C1orf198: variants seen among roughly 807,000 people sequenced by gnomAD.
C1orf198 encodes the protein chromosome 1 open reading frame 198.
A neutral mutation model predicts 31.4 loss-of-function variants in C1orf198; 17 were observed. The observed-to-expected ratio is 0.54, with a 90% confidence interval of 0.37 to 0.81. The LOEUF (loss-of-function observed/expected upper bound fraction) is 0.81, where lower values mean the gene tolerates loss of function less well. C1orf198 is among the 40% of genes least tolerant of loss of function. C1orf198 has a pLI of 0.00. For synonymous variants in C1orf198, 175 were observed against 193.8 expected, an observed-to-expected ratio of 0.90 and a Z score of 0.81; for missense variants, 401 against 450.3, an observed-to-expected ratio of 0.89 and a Z score of 0.99.
At chr1:230,852,813 G>A (rs774863019) in intron 2 of C1orf198, among the ~76,000 whole-genome samples, 3 of 152,178 alleles carry the variant, frequency 2.0e-5, no homozygotes, top group African/African-American at 4.8e-5. Context: ...TTTAAAATGG[G>A]TGCAAACTCT....
intron 2 of C1orf198, among the ~76,000 whole-genome samples, chr1:230,848,707 C>T (rs1374780662): frequency 6.6e-6 from 1 of 152,178 alleles, no homozygotes; most frequent in Non-Finnish European, 1.5e-5. Flanking sequence ...TTGTCCATCA[C>T]CCTGCTGGGT....
chr1:230,864,985 G>A (rs1375433681), intron 1 of C1orf198, among the ~76,000 whole-genome samples: 2 of 152,164 alleles, frequency 1.3e-5, no homozygotes, highest in African/African-American at 4.8e-5. Flanking sequence ...CCTACTGCTG[G>A]AGGAAGAACG....
Position 230,838,459 on chromosome 1 carries a change from G to A in C1orf198, c.*1393C>T, listed in dbSNP as rs1302509858. 2.6e-5 allele frequency: 4 copies of A among 152,112 alleles called. No individual in the cohort carries two copies. In the East Asian group the frequency reaches 5.8e-4, roughly 22 times the overall value. 9.4% of individuals were successfully genotyped at this position (152,112 alleles called of 1,614,324 possible). On this transcript the variant is annotated 3_prime_UTR_variant, in exon 4 of 4. Transcript: ENST00000366663. This position sits in a 1 kb window ranked among gnomAD's most constrained non-coding sequence, Gnocchi z 4.2. ...GTGAGTTGCTATGTGCTTTATTTTG[G>A]AGCCAGATAAAATATTCTGGAAATC...
rs1217067751 is a variant in C1orf198 at position 230,837,260 on chromosome 1, C to T, written c.*2592G>A. Reference sequence around the variant, plus strand: ...AGAAAGGGAGGCTCTTCCTGAAATCCACACAGGGGGGTGCGGCTCAGACGG... The same window carrying T: ...AGAAAGGGAGGCTCTTCCTGAAATCTACACAGGGGGGTGCGGCTCAGACGG... On this transcript the variant is annotated 3_prime_UTR_variant, in exon 4 of 4. Coordinates refer to ENST00000366663, the MANE Select transcript of C1orf198 (RefSeq NM_032800.3). 1.3e-5 allele frequency: 2 copies of T among 152,518 alleles called. No homozygotes were observed. The highest frequency in any genetic ancestry group is 2.4e-5 in the African/African-American group (1 of 41,402). 9.4% of individuals were successfully genotyped at this position (152,518 alleles called of 1,614,324 possible).
chr1:230,845,680 T>C (rs553333046), intron 2 of C1orf198, among the ~76,000 whole-genome samples: 5 of 147,762 alleles, frequency 3.4e-5, no homozygotes, highest in Non-Finnish European at 7.4e-5. Context: ...TGAAACTCCA[T>C]TTCAAAAAAT....
Position 230,858,605 on chromosome 1 carries a change from T to C in C1orf198, c.334-2887A>G, listed in dbSNP as rs114796992. ...TCAACTGGCAAAGGTGCTCCTTCCA[T>C]CCAGAATCAGACAGGCCACTGGCCA... is the stretch of plus-strand genomic sequence containing the variant. On this transcript the variant is annotated intron_variant, in intron 1 of 3. Transcript: ENST00000366663. 3.8e-3 allele frequency among the ~76,000 whole-genome samples: 578 copies of C among 152,154 alleles called. 6 individuals carry two copies. The highest frequency in any genetic ancestry group is 0.013 in the African/African-American group (552 of 41,508).
At chr1:230,856,894 G>A (rs1019096476) in intron 1 of C1orf198, among the ~76,000 whole-genome samples, 8 of 152,158 alleles carry the variant, frequency 5.3e-5, no homozygotes, top group African/African-American at 1.7e-4. Context: ...TAAGTCAAGG[G>A]TCTGGCTTCC....
chr1:230,866,848 C>T (rs1442519687), intron 1 of C1orf198, among the ~76,000 whole-genome samples: 1 of 152,202 alleles, frequency 6.6e-6, no homozygotes, highest in African/African-American at 2.4e-5. Flanking sequence ...TTTCCCCTCC[C>T]CAGTTTACCA....
intron 2 of C1orf198, among the ~76,000 whole-genome samples, chr1:230,853,389 A>T (rs1362252498): frequency 6.6e-6 from 1 of 152,072 alleles, no homozygotes; most frequent in Non-Finnish European, 1.5e-5. Context: ...TGAAGATCTT[A>T]TAAGCCTTTA....
At chr1:230,844,462 T>C (rs1669534819) in intron 2 of C1orf198, among the ~76,000 whole-genome samples, 1 of 152,176 alleles carries the variant, frequency 6.6e-6, no homozygotes, top group Admixed American at 6.5e-5. Flanking sequence ...CGCAGAACCG[T>C]GAGCCAATTA....
chr1:230,867,298 A>G (rs1670142884), intron 1 of C1orf198, among the ~76,000 whole-genome samples: 1 of 152,214 alleles, frequency 6.6e-6, no homozygotes, highest in Admixed American at 6.5e-5. Flanking sequence ...GAAAAAGAAG[A>G]CCAAGTTTCT....
At chr1:230,856,444 G>A (rs1178377140) in intron 1 of C1orf198, among the ~76,000 whole-genome samples, 2 of 151,960 alleles carry the variant, frequency 1.3e-5, no homozygotes, top group Non-Finnish European at 2.9e-5. Context: ...TCACTGGCCT[G>A]CACAAATGAC....
intron 2 of C1orf198, among the ~76,000 whole-genome samples, chr1:230,852,670 T>C (rs1338235979): frequency 6.6e-6 from 1 of 152,146 alleles, no homozygotes; most frequent in Non-Finnish European, 1.5e-5. Context: ...ATGATTAAGA[T>C]GGAAAATTTT....
In C1orf198 at chr1:230,837,319, A is replaced by G. The variant is rs1669328291; in HGVS notation, c.*2533T>C. The stretch of plus-strand genomic sequence containing the variant: ...CCCCCGCTGTTCCCAGTAGGGCAGC[A>G]CCCCCAAACCCAGGGGGCCAAGGGA... On this transcript the variant is annotated 3_prime_UTR_variant, in exon 4 of 4. Coordinates refer to ENST00000366663, the MANE Select transcript of C1orf198 (RefSeq NM_032800.3). 6.6e-6 allele frequency: 1 copy of G among 152,534 alleles called. No homozygotes were observed. The highest frequency in any genetic ancestry group is 1.5e-5 in the Non-Finnish European group (1 of 68,016). 9.4% of individuals were successfully genotyped at this position (152,534 alleles called of 1,614,324 possible).
intron 1 of C1orf198, among the ~76,000 whole-genome samples, chr1:230,866,008 G>A (rs377598981): frequency 5.3e-4 from 80 of 152,280 alleles, no homozygotes; most frequent in African/African-American, 1.8e-3. Context: ...AGAGACATTG[G>A]GCCCCACTCT....
Position 230,868,245 on chromosome 1 carries a change from C to T in C1orf198, c.268G>A (p.Glu90Lys), listed in dbSNP as rs1406627619. Residue 90 changes from glutamate to lysine, a missense_variant, in exon 1 of 4, where the codon GAG becomes AAG. By Grantham distance (56) the Glu-to-Lys change is moderately conservative. Coordinates refer to ENST00000366663, the MANE Select transcript of C1orf198 (RefSeq NM_032800.3). ...CGCAAGCCGGGGAAGCGCGTGAGCTCCTCCGAGTCCCCGGGGTCTCGGGGC... is the reference window on the plus strand; with the variant it reads ...CGCAAGCCGGGGAAGCGCGTGAGCTTCTCCGAGTCCCCGGGGTCTCGGGGC... ...PAPRDPGDSEELTRFPGLRGP... is the reference protein window; with the variant it reads ...PAPRDPGDSEKLTRFPGLRGP... 6.4e-7 allele frequency: 1 copy of T among 1,562,380 alleles called. No individual in the cohort carries two copies. The highest frequency in any genetic ancestry group is 8.6e-7 in the Non-Finnish European group (1 of 1,156,226).
At chr1:230,841,192 G>A (rs72762621) in intron 3 of C1orf198, among the ~76,000 whole-genome samples, 8,323 of 152,280 alleles carry the variant, frequency 0.055, 288 homozygotes, top group East Asian at 0.12. Flanking sequence ...AAAACAGAAC[G>A]GAGAGATGGG....
chr1:230,855,318 T>C (rs1669846614), intron 2 of C1orf198, among the ~76,000 whole-genome samples: 1 of 152,202 alleles, frequency 6.6e-6, no homozygotes, highest in African/African-American at 2.4e-5. Context: ...CCCATCAAGG[T>C]GCTAAGTGCT....
At chr1:230,868,601 C>A (rs1670183688), upstream of C1orf198, 1 of 1,014,814 alleles carries the variant, frequency 9.9e-7, no homozygotes, top group African/African-American at 1.7e-5. Flanking sequence ...GCCCCGCCCC[C>A]TCCGGGAACC....
Sources: gnomAD v4.1 joint callset for allele counts (sites outside exome capture counted in the v4.1 genomes callset) on GRCh38, gnomAD v4.1.1 for gene constraint, Gnocchi (gnomAD v3.1) non-coding constraint, MANE v1.5 for transcripts, NCBI Gene and HGNC (gene_info 2026-07-23, HGNC 2026-07-21) for gene names.